Variants in NEK7 observed in about 807,000 individuals in gnomAD.
NEK7 encodes the protein serine/threonine-protein kinase Nek7.
NEK7 carries 18 observed loss-of-function variants against 44.6 expected under a neutral mutation model. The ratio of observed to expected loss-of-function variants is 0.40; its 90% CI spans 0.28 to 0.60. The LOEUF (loss-of-function observed/expected upper bound fraction) is 0.60, where lower values mean the gene tolerates loss of function less well. Ranked by LOEUF, NEK7 falls within the 20% of genes least tolerant of loss-of-function variation. The probability of loss-of-function intolerance (pLI) is 0.38; values close to 1 mark genes in which losing one functional copy is unlikely to be tolerated. For synonymous variants in NEK7, 130 were observed against 121.1 expected (o/e 1.07, Z -0.48); for missense variants, 256 against 366.5 (o/e 0.70, Z 2.46).
intron 9 of NEK7, among the ~76,000 whole-genome samples, chr1:198,299,982 T>C (rs1654834014): frequency 6.6e-6 from 1 of 152,212 alleles, no homozygotes; most frequent in African/African-American, 2.4e-5. Context: ...TATGTGAGTC[T>C]TAGTGTGTAC....
At chr1:198,195,476 G>T (rs1388549136) in intron 1 of NEK7, among the ~76,000 whole-genome samples, 2 of 152,158 alleles carry the variant, frequency 1.3e-5, no homozygotes, top group African/African-American at 4.8e-5. Flanking sequence ...AATATAAATA[G>T]AGAGCAAATA....
At chr1:198,182,255 C>T (rs1664789468) in intron 1 of NEK7, among the ~76,000 whole-genome samples, 1 of 152,116 alleles carries the variant, frequency 6.6e-6, no homozygotes. Flanking sequence ...CTTGCACATA[C>T]ATTAATAATG....
chr1:198,219,810 A>G (rs1571543523), intron 1 of NEK7, among the ~76,000 whole-genome samples: 1 of 152,052 alleles, frequency 6.6e-6, no homozygotes, highest in Admixed American at 6.6e-5. Context: ...TTGGAGGCAC[A>G]TATCTGCATG....
chr1:198,221,811 T>C (rs1236546571), intron 1 of NEK7, among the ~76,000 whole-genome samples: 1 of 151,978 alleles, frequency 6.6e-6, no homozygotes, highest in Non-Finnish European at 1.5e-5. Flanking sequence ...ATAATTATCT[T>C]AGGATTTTAG....
At chr1:198,175,881 T>G (rs915512122) in intron 1 of NEK7, among the ~76,000 whole-genome samples, 4 of 152,230 alleles carry the variant, frequency 2.6e-5, no homozygotes, top group Non-Finnish European at 4.4e-5. Flanking sequence ...TCTTGAGAAC[T>G]GTTCTTCCAG....
At chr1:198,211,823 A>G (rs2102820037) in intron 1 of NEK7, among the ~76,000 whole-genome samples, 1 of 152,336 alleles carries the variant, frequency 6.6e-6, no homozygotes, top group Admixed American at 6.5e-5. Flanking sequence ...CCAAGAAGCA[A>G]CACCGGAACT....
intron 9 of NEK7, among the ~76,000 whole-genome samples, chr1:198,298,094 A>G (rs777619192): frequency 1.3e-5 from 2 of 152,214 alleles, no homozygotes; most frequent in Non-Finnish European, 2.9e-5. Context: ...TCTTTATGGA[A>G]TACTCATCAG....
At chr1:198,318,399 C>T (rs908399409) in intron 9 of NEK7, among the ~76,000 whole-genome samples, 3 of 152,172 alleles carry the variant, frequency 2.0e-5, no homozygotes, top group Non-Finnish European at 4.4e-5. Context: ...ATAGCACTAG[C>T]AACATCTTCA....
intron 9 of NEK7, among the ~76,000 whole-genome samples, chr1:198,306,569 A>C (rs1412762088): frequency 3.3e-5 from 5 of 152,164 alleles, no homozygotes; most frequent in African/African-American, 1.2e-4. Flanking sequence ...TGATGGCAGG[A>C]GCACAAATAA....
rs765478190 is a variant in NEK7, at chr1:198,297,274, G to T, written c.798+34G>T. 1.9e-6 allele frequency: 3 copies of T among 1,607,320 alleles called. No homozygotes were observed. The East Asian group carries it at 6.7e-5, about 36-fold the overall frequency. On this transcript the variant is annotated intron_variant, in intron 9 of 9. Transcript: ENST00000367385. ...TTTTCAGCCCACATGTTCTTCTGTT[G>T]TCCATTTTGCTAACATTTTTATTTT...
chr1:198,222,859 T>G, intron 1 of NEK7, among the ~76,000 whole-genome samples: 7 of 133,408 alleles, frequency 5.2e-5, no homozygotes, highest in Admixed American at 8.1e-5. Flanking sequence ...AACTAAAGAG[T>G]GAAGATAAGA....
intron 3 of NEK7, among the ~76,000 whole-genome samples, chr1:198,256,688 G>A (rs1653277599): frequency 1.3e-5 from 2 of 152,054 alleles, no homozygotes; most frequent in African/African-American, 4.8e-5. Flanking sequence ...GAGACTCATG[G>A]GATTCTAGTG....
intron 1 of NEK7, among the ~76,000 whole-genome samples, chr1:198,219,338 A>G (rs1297127964): frequency 2.0e-5 from 3 of 150,808 alleles, no homozygotes; most frequent in Non-Finnish European, 3.0e-5. Flanking sequence ...TTGTGTGTGT[A>G]TATATATATG....
chr1:198,234,565 T>A (rs1666493130), intron 2 of NEK7, among the ~76,000 whole-genome samples: 1 of 152,180 alleles, frequency 6.6e-6, no homozygotes. Flanking sequence ...AGCACTTTCA[T>A]TTTTGCCTCC....
At chr1:198,222,259 G>C (rs1295027284) in intron 1 of NEK7, among the ~76,000 whole-genome samples, 6 of 152,056 alleles carry the variant, frequency 3.9e-5, no homozygotes, top group African/African-American at 1.4e-4. Flanking sequence ...AAGATTTGGA[G>C]TTACCATAAT....
At position 198,168,719 on chromosome 1, in the gene NEK7, A is replaced by G. The variant is rs914948663; in HGVS notation, c.-29+11443A>G. 5.3e-5 allele frequency among the ~76,000 whole-genome samples: 8 copies of G among 152,148 alleles called. No individual in the cohort carries two copies. The South Asian group carries it at 1.0e-3, about 20-fold the overall frequency. On this transcript the variant is annotated intron_variant, in intron 1 of 9. Coordinates refer to ENST00000367385, the MANE Select transcript of NEK7 (RefSeq NM_133494.3). ...TTCTTTTTTTTCTTTCCATTTTCCAACTTGGTCTTATCAATCCACAGACCA... is the reference window on the plus strand; with the variant it reads ...TTCTTTTTTTTCTTTCCATTTTCCAGCTTGGTCTTATCAATCCACAGACCA...
At chr1:198,253,224 T>C (rs1375644142) in intron 3 of NEK7, 44 bp downstream of exon 3, 1 of 1,326,178 alleles carries the variant, frequency 7.5e-7, no homozygotes, top group South Asian at 1.3e-5. Flanking sequence ...AATTATACTA[T>C]GTGAATTATA....
chr1:198,234,986 G>C (rs1441122448), intron 2 of NEK7, among the ~76,000 whole-genome samples: 1 of 152,156 alleles, frequency 6.6e-6, no homozygotes, highest in Non-Finnish European at 1.5e-5. Context: ...ACTGGGAAAG[G>C]ACAGCCTCTG....
At chr1:198,317,289 C>G (rs1289978403) in intron 9 of NEK7, among the ~76,000 whole-genome samples, 1 of 152,184 alleles carries the variant, frequency 6.6e-6, no homozygotes, top group Non-Finnish European at 1.5e-5. Flanking sequence ...GTGGCTCTGC[C>G]TGTCGCAAGG....
Sources: allele counts gnomAD v4.1 joint callset (sites outside exome capture counted in the v4.1 genomes callset), GRCh38; gene constraint gnomAD v4.1.1; transcripts MANE v1.5; gene names NCBI Gene and HGNC (gene_info 2026-07-23, HGNC 2026-07-21).